Variants in ZMIZ1 observed in about 807,000 individuals in gnomAD.
ZMIZ1 encodes zinc finger MIZ-type containing 1, also known as zinc finger MIZ domain-containing protein 1.
ZMIZ1 carries 17 observed loss-of-function variants against 113.9 expected under a neutral mutation model. The observed-to-expected ratio is 0.15, with a 90% CI of 0.10 to 0.22. The LOEUF is 0.22. Ranked by LOEUF, ZMIZ1 falls within the 10% of genes least tolerant of loss-of-function variation. ZMIZ1 has a pLI of 1.00. For missense variants in ZMIZ1, 1,059 were observed against 1,477.8 expected, an observed-to-expected ratio of 0.72 and a Z score of 4.65; for synonymous variants, 607 against 603.1, an observed-to-expected ratio of 1.01 and a Z score of -0.09.
chr10:79,147,182 G>C (rs982619040), intron 3 of ZMIZ1, among the ~76,000 whole-genome samples: 1 of 152,172 alleles, frequency 6.6e-6, no homozygotes, highest in Non-Finnish European at 1.5e-5. Flanking sequence ...TTGGGCCTCA[G>C]AATCTGGTAT....
chr10:79,115,455 T>C (rs915980147), intron 1 of ZMIZ1, among the ~76,000 whole-genome samples: 2 of 152,200 alleles, frequency 1.3e-5, no homozygotes, highest in Admixed American at 6.5e-5. Context: ...GTGGCCTGTC[T>C]GTAGTGTGTG....
intron 3 of ZMIZ1, among the ~76,000 whole-genome samples, chr10:79,152,842 C>T (rs1325816515): frequency 6.6e-6 from 1 of 152,256 alleles, no homozygotes; most frequent in Non-Finnish European, 1.5e-5. Flanking sequence ...GCCAGTTATG[C>T]ACCACTGCTG....
chr10:79,146,533 A>C (rs1024789130), intron 3 of ZMIZ1, among the ~76,000 whole-genome samples: 1 of 152,188 alleles, frequency 6.6e-6, no homozygotes, highest in African/African-American at 2.4e-5. Flanking sequence ...CATTTATCAC[A>C]GGGACTTCTC....
At chr10:79,241,943 T>A (rs1849852307) in intron 7 of ZMIZ1, among the ~76,000 whole-genome samples, 1 of 151,978 alleles carries the variant, frequency 6.6e-6, no homozygotes, top group South Asian at 2.1e-4. Flanking sequence ...TGCCCTTCTT[T>A]GGGGATGAAT....
At chr10:79,240,234 C>A (rs372175207) in intron 7 of ZMIZ1, among the ~76,000 whole-genome samples, 4 of 152,264 alleles carry the variant, frequency 2.6e-5, no homozygotes, top group African/African-American at 7.2e-5. Context: ...GCTATGCCCC[C>A]CTTGCCGAGG....
At chr10:79,198,824 G>A (rs561222904) in intron 4 of ZMIZ1, among the ~76,000 whole-genome samples, 6 of 152,122 alleles carry the variant, frequency 3.9e-5, no homozygotes, top group Admixed American at 1.3e-4. Context: ...GCCTGAGGTC[G>A]GGAGTTCGAG....
chr10:79,271,858 T>G (rs552294839), intron 7 of ZMIZ1, among the ~76,000 whole-genome samples: 47 of 152,302 alleles, frequency 3.1e-4, no homozygotes, highest in African/African-American at 1.1e-3. Flanking sequence ...GACCACCTTC[T>G]GTCTGGAAGG....
At chr10:79,129,420 C>T (rs75167266) in intron 2 of ZMIZ1, among the ~76,000 whole-genome samples, 29,709 of 152,222 alleles carry the variant, frequency 0.2, 3,415 homozygotes, top group East Asian at 0.41. Context: ...CTCTGAAGCC[C>T]ACAGGATCCT....
chr10:79,306,287 C>A lies in ZMIZ1; in HGVS notation c.2611C>A (p.Pro871Thr). 1 of 1,613,788 alleles carries A rather than the reference C, an allele frequency of 6.2e-7. No homozygotes were observed. The highest frequency in any genetic ancestry group is 8.5e-7 in the Non-Finnish European group (1 of 1,180,024). ...MIAALGPGPS[P>T]YPLPPPPGGT... Reference sequence around the variant, plus strand: ...CGCAGCCCTGGGCCCCGGCCCGTCCCCCTATCCCCTCCCGCCTCCCCCAGG... The same window carrying A: ...CGCAGCCCTGGGCCCCGGCCCGTCCACCTATCCCCTCCCGCCTCCCCCAGG... The change falls in exon 22 of 25, where the codon CCC (proline) becomes ACC (threonine). Residue 871 changes from proline to threonine, a missense_variant. Pro to Thr is a conservative substitution (Grantham distance 38, BLOSUM62 -1). Transcript: ENST00000334512.
intron 2 of ZMIZ1, among the ~76,000 whole-genome samples, chr10:79,137,471 G>C (rs936274025): frequency 2.0e-5 from 3 of 152,228 alleles, no homozygotes; most frequent in Non-Finnish European, 2.9e-5. Context: ...AGGTGTGGCA[G>C]GCCAGGCCCC....
At chr10:79,147,996 C>T (rs1465978752) in intron 3 of ZMIZ1, among the ~76,000 whole-genome samples, 1 of 152,206 alleles carries the variant, frequency 6.6e-6, no homozygotes, top group Non-Finnish European at 1.5e-5. Flanking sequence ...GGTTTGTCAG[C>T]CTGCATACTG....
intron 8 of ZMIZ1, among the ~76,000 whole-genome samples, chr10:79,289,093 A>T (rs1437020333): frequency 6.6e-6 from 1 of 152,170 alleles, no homozygotes; most frequent in African/African-American, 2.4e-5. Context: ...TAAATGCTGG[A>T]AGCCACCAAA....
chr10:79,160,612 G>A (rs942739659), intron 3 of ZMIZ1, among the ~76,000 whole-genome samples: 5 of 152,254 alleles, frequency 3.3e-5, no homozygotes, highest in African/African-American at 1.2e-4. Context: ...GCCAAGATTT[G>A]AAGCAGATCC....
Position 79,188,352 on chromosome 10 carries a change from C to A in ZMIZ1, c.-49-13232C>A, listed in dbSNP as rs1239231684. Among the ~76,000 whole-genome samples, 3 of 152,174 alleles carry A rather than the reference C, an allele frequency of 2.0e-5. No individual in the cohort carries two copies. In the South Asian group the frequency reaches 6.2e-4, roughly 31 times the overall value. On this transcript the variant is annotated intron_variant, in intron 4 of 24. Coordinates refer to ENST00000334512, the MANE Select transcript of ZMIZ1 (RefSeq NM_020338.4). ...GCTCATGTGACCTTCCTACTCTGGCCTTTGCCCTTCCAGGAAGTGTTCTGG... is the reference window on the plus strand; with the variant it reads ...GCTCATGTGACCTTCCTACTCTGGCATTTGCCCTTCCAGGAAGTGTTCTGG...
chr10:79,087,727 C>T (rs1842861317), intron 1 of ZMIZ1, among the ~76,000 whole-genome samples: 1 of 152,242 alleles, frequency 6.6e-6, no homozygotes, highest in African/African-American at 2.4e-5. Flanking sequence ...GATGAACTTT[C>T]ACTTGTGTGT....
chr10:79,265,275 G>T (rs556817088), intron 7 of ZMIZ1, among the ~76,000 whole-genome samples: 1 of 152,198 alleles, frequency 6.6e-6, no homozygotes, highest in Admixed American at 6.5e-5. Context: ...GCCCAGCACA[G>T]GGAAGCAGGT....
In ZMIZ1 at chr10:79,191,732, C is replaced by T. The variant is rs185716087; in HGVS notation, c.-49-9852C>T. On this transcript the variant is annotated intron_variant, in intron 4 of 24. Transcript: ENST00000334512. ...CCATGGAAAACATGATACAGAAAAA[C>T]ATGGGCTTTGTAATCAGACCTAGAT... is the stretch of plus-strand genomic sequence containing the variant. 5.9e-5 allele frequency among the ~76,000 whole-genome samples: 9 copies of T among 152,334 alleles called. No individual in the cohort carries two copies. The East Asian group carries it at 1.5e-3, about 26-fold the overall frequency.
intron 3 of ZMIZ1, among the ~76,000 whole-genome samples, chr10:79,150,096 G>C (rs1468664789): frequency 3.9e-5 from 6 of 152,216 alleles, no homozygotes. Flanking sequence ...CCAGGGCGGG[G>C]CTGGAGGATG....
rs562619789 is a variant in ZMIZ1 at position 79,181,061 on chromosome 10, G to A, written c.-50+18928G>A. On this transcript the variant is annotated intron_variant, in intron 4 of 24. Coordinates refer to ENST00000334512, the MANE Select transcript of ZMIZ1 (RefSeq NM_020338.4). ...AGTCAGGACAGTGTGGCCGTGTGTG[G>A]GATGTTCCTTTCCCAGGAGGCAGAG... Among the ~76,000 whole-genome samples the A allele has an allele frequency of 8.7e-4, 132 of 152,354 alleles. 2 individuals carry two copies. Among genetic ancestry groups the A allele is most frequent in the African/African-American group, 3.0e-3 (125 of 41,590 alleles).
Sources: gnomAD v4.1 joint callset for allele counts (sites outside exome capture counted in the v4.1 genomes callset) on GRCh38, gnomAD v4.1.1 for gene constraint, MANE v1.5 for transcripts, NCBI Gene and HGNC (gene_info 2026-07-23, HGNC 2026-07-21) for gene names.